Variants in CABP5 observed in about 807,000 individuals in gnomAD.
CABP5 encodes calcium binding protein 5.
Under a neutral mutation model 21.9 loss-of-function variants are expected in CABP5, and 17 were observed. That is an observed-to-expected ratio of 0.78 (90% confidence interval 0.53 to 1.17). CABP5 has a LOEUF of 1.17. CABP5 is among the 50% of genes most tolerant of loss of function. The pLI, the probability that CABP5 is intolerant of heterozygous loss-of-function variation, is 0.00. For missense variants in CABP5, 229 were observed against 228.9 expected (o/e 1.00, Z 0.00); for synonymous variants, 85 against 79.4 (o/e 1.07, Z -0.37).
At chr19:48,036,799 C>T (rs1354079696) in intron 4 of CABP5, among the ~76,000 whole-genome samples, 1 of 152,112 alleles carries the variant, frequency 6.6e-6, no homozygotes, top group Admixed American at 6.6e-5. Context: ...AGCTATCTCT[C>T]TAAAGAAGAC....
intron 1 of CABP5, among the ~76,000 whole-genome samples, chr19:48,042,575 TC>T: frequency 8.5e-6 from 1 of 118,342 alleles, no homozygotes; most frequent in Non-Finnish European, 1.9e-5. Flanking sequence ...TTTCATTCTC[TC>T]TCTCTTTTTT....
rs534051842 is a variant in CABP5, at chr19:48,029,997, G to A, written c.*560C>T. On this transcript the variant is annotated 3_prime_UTR_variant, in exon 6 of 6. Transcript: ENST00000293255. ...TTCATTTTGTATTTCTATAGATTTA[G>A]GGAGTACAAGTGCGGTTTTGTTACA... is the stretch of plus-strand genomic sequence containing the variant. 6.6e-6 allele frequency: 1 copy of A among 152,256 alleles called. No homozygotes were observed. The highest frequency in any genetic ancestry group is 2.4e-5 in the African/African-American group (1 of 41,430). 9.4% of individuals were successfully genotyped at this position (152,256 alleles called of 1,614,324 possible).
intron 4 of CABP5, among the ~76,000 whole-genome samples, chr19:48,035,965 A>G (rs1967403630): frequency 1.3e-5 from 2 of 152,096 alleles, no homozygotes; most frequent in Admixed American, 1.3e-4. Context: ...TTGTGTAGAG[A>G]ACAGACCACA....
intron 1 of CABP5, among the ~76,000 whole-genome samples, chr19:48,042,546 G>T (rs1227486230): frequency 6.6e-6 from 1 of 150,536 alleles, no homozygotes; most frequent in Non-Finnish European, 1.5e-5. Flanking sequence ...CCCTCCTTGC[G>T]GTCCCTTATC....
intron 1 of CABP5, among the ~76,000 whole-genome samples, chr19:48,042,232 C>T (rs559385654): frequency 1.3e-5 from 2 of 152,320 alleles, no homozygotes; most frequent in Non-Finnish European, 1.5e-5. Context: ...ATTCTTCACA[C>T]TAGCCCCCAT....
chr19:48,043,740 A>G, intron 1 of CABP5, 120 bp downstream of exon 1: 1 of 810,042 alleles, frequency 1.2e-6, no homozygotes, highest in Non-Finnish European at 1.8e-6. Flanking sequence ...ATACCTTCTC[A>G]GCTCCTGCTC....
chr19:48,035,049 G>A (rs1025807454), intron 4 of CABP5, among the ~76,000 whole-genome samples: 3 of 152,044 alleles, frequency 2.0e-5, no homozygotes, highest in African/African-American at 4.8e-5. Context: ...ATCCTGCTGT[G>A]CAATAGATCT....
At chr19:48,031,002 G>T (rs1277405716) in intron 5 of CABP5, among the ~76,000 whole-genome samples, 2 of 152,094 alleles carry the variant, frequency 1.3e-5, no homozygotes, top group Admixed American at 1.3e-4. Flanking sequence ...AATAAAATTT[G>T]CTCAGAACCG....
Position 48,030,239 on chromosome 19 carries a change from A to T in CABP5, c.*318T>A. 3.2e-6 allele frequency: 1 copy of T among 316,294 alleles called. No individual in the cohort carries two copies. Among genetic ancestry groups the T allele is most frequent in the Non-Finnish European group, 5.7e-6 (1 of 174,262 alleles). 19.6% of individuals were successfully genotyped at this position (316,294 alleles called of 1,614,324 possible). Reference sequence around the variant, plus strand: ...GCTGGGGAAGAGACTCTGGCAGGTCACAGGGACTTAGGACTACGTGAAGTG... The same window carrying T: ...GCTGGGGAAGAGACTCTGGCAGGTCTCAGGGACTTAGGACTACGTGAAGTG... On this transcript the variant is annotated 3_prime_UTR_variant, in exon 6 of 6. Coordinates refer to ENST00000293255, the MANE Select transcript of CABP5 (RefSeq NM_019855.5).
At position 48,030,228 on chromosome 19, in the gene CABP5, T is replaced by C. The variant is rs931668693; in HGVS notation, c.*329A>G. 2.7e-5 allele frequency: 8 copies of C among 295,862 alleles called. No individual in the cohort carries two copies. Among genetic ancestry groups the C allele is most frequent in the African/African-American group, 6.5e-5 (3 of 46,166 alleles). The allele number at this position is 295,862 out of a possible 1,614,324, so 18.3% of individuals were successfully genotyped here. A position where few individuals can be genotyped will look rare whatever the true frequency, so the allele number is the denominator to read the frequency against. ...CCCAAGGGGAAGCTGGGGAAGAGAC[T>C]CTGGCAGGTCACAGGGACTTAGGAC... On this transcript the variant is annotated 3_prime_UTR_variant, in exon 6 of 6. Coordinates refer to ENST00000293255, the MANE Select transcript of CABP5 (RefSeq NM_019855.5).
chr19:48,038,974 TTTTG>T (rs138998936), intron 4 of CABP5, among the ~76,000 whole-genome samples: 14,746 of 152,182 alleles, frequency 0.097, 739 homozygotes, highest in South Asian at 0.13. Flanking sequence ...GTGTTTTTGT[TTTTG>T]TTTGTTTGTT....
rs115660241 is a variant in CABP5, at chr19:48,030,422, G to T, written c.*135C>A. 7.3e-3 allele frequency: 5,971 copies of T among 814,996 alleles called. 37 individuals carry two copies. The highest frequency in any genetic ancestry group is 0.01 in the Non-Finnish European group (5,058 of 505,246). 50.5% of individuals were successfully genotyped at this position (814,996 alleles called of 1,614,324 possible). A position where few individuals can be genotyped will look rare whatever the true frequency, so the allele number is the denominator to read the frequency against. ...TGGGTCTCACCCCATGCACAGCGCC[G>T]CATGCCAATGCCCTCCCTCCCGCCT... On this transcript the variant is annotated 3_prime_UTR_variant, in exon 6 of 6. Transcript: ENST00000293255.
chr19:48,043,011 A>C (rs1419247069), intron 1 of CABP5, among the ~76,000 whole-genome samples: 1 of 151,762 alleles, frequency 6.6e-6, no homozygotes, highest in Non-Finnish European at 1.5e-5. Flanking sequence ...CGACCCTGCC[A>C]CTTACTTTTT....
intron 4 of CABP5, among the ~76,000 whole-genome samples, chr19:48,037,123 C>A (rs998259539): frequency 1.3e-5 from 2 of 152,032 alleles, no homozygotes; most frequent in African/African-American, 4.8e-5. Context: ...ATCAGTATAT[C>A]AAAGGGATGT....
intron 5 of CABP5, among the ~76,000 whole-genome samples, chr19:48,033,014 CTTTTTT>C (rs370570252): frequency 6.5e-5 from 8 of 123,280 alleles, no homozygotes; most frequent in African/African-American, 1.2e-4. Flanking sequence ...ACTTGACATG[CTTTTTT>C]TTTTTTTTTT....
chr19:48,034,382 G>T lies in CABP5; in HGVS notation c.349-20C>A. ...GTCAAACTGAATAGAAGCAGAAATAGATTATATCAGCAATGACAATGATGA... is the reference window on the plus strand; with the variant it reads ...GTCAAACTGAATAGAAGCAGAAATATATTATATCAGCAATGACAATGATGA... On this transcript the variant is annotated intron_variant, in intron 4 of 5. Coordinates refer to ENST00000293255, the MANE Select transcript of CABP5 (RefSeq NM_019855.5). The T allele has an allele frequency of 6.7e-7, 1 of 1,484,762 alleles. No homozygotes were observed. 92.0% of individuals were successfully genotyped at this position (1,484,762 alleles called of 1,614,324 possible). A position where few individuals can be genotyped will look rare whatever the true frequency, so the allele number is the denominator to read the frequency against.
intron 5 of CABP5, 33 bp downstream of exon 5, chr19:48,034,182 C>T: frequency 6.7e-7 from 1 of 1,492,676 alleles, no homozygotes; most frequent in Non-Finnish European, 9.0e-7. Context: ...GCGGTGGCTG[C>T]CCCCGCTCCC....
intron 5 of CABP5, among the ~76,000 whole-genome samples, chr19:48,033,507 T>C (rs528852410): frequency 1.3e-5 from 2 of 152,222 alleles, no homozygotes; most frequent in African/African-American, 4.8e-5. Context: ...GAATCCGTAT[T>C]ACTGCAGAAG....
intron 4 of CABP5, 111 bp from the exon 5 acceptor site, chr19:48,034,473 G>A (rs1967382118): frequency 4.0e-6 from 3 of 740,772 alleles, no homozygotes; most frequent in Non-Finnish European, 5.9e-6. Flanking sequence ...AAAAGCTTTG[G>A]GAATGTGAGC....
Sources: gnomAD v4.1 joint callset for allele counts (sites outside exome capture counted in the v4.1 genomes callset) on GRCh38, gnomAD v4.1.1 for gene constraint, MANE v1.5 for transcripts, NCBI Gene and HGNC (gene_info 2026-07-23, HGNC 2026-07-21) for gene names.